TSC2: variants seen among roughly 807,000 people sequenced by gnomAD.
TSC2 encodes the protein TSC complex subunit 2.
TSC2 carries 29 observed loss-of-function variants against 202.2 expected under a neutral mutation model. The ratio of observed to expected loss-of-function variants is 0.14; its 90% CI spans 0.11 to 0.20. The LOEUF (loss-of-function observed/expected upper bound fraction) is 0.20. TSC2 is among the 10% of genes least tolerant of loss of function. TSC2 has a pLI of 1.00. For synonymous variants in TSC2, 1,349 were observed against 1,044.0 expected (o/e 1.29, Z -5.63); for missense variants, 2,429 against 2,420.0 (o/e 1.00, Z -0.08).
Position 2,072,282 on chromosome 16 carries a change from G to A in TSC2, c.2139G>A (p.Leu713=), listed in dbSNP as rs757293747. Reference sequence around the variant, plus strand: ...TGCTGAAGCTGGTTCTGGGCAGGCTGCCTGAGTCCCTGCGCTATAAAGTGC... The same window carrying A: ...TGCTGAAGCTGGTTCTGGGCAGGCTACCTGAGTCCCTGCGCTATAAAGTGC... ...WKVLKLVLGR[L]PESLRYKVLI... is the part of the protein sequence containing the mutation. Residue 713 remains leucine, a synonymous_variant, in exon 20 of 42, where the codon CTG becomes CTA. Transcript: ENST00000219476. 1 of 1,614,154 alleles carries A rather than the reference G, an allele frequency of 6.2e-7. No homozygotes were observed. Among genetic ancestry groups the A allele is most frequent in the Non-Finnish European group, 8.5e-7 (1 of 1,180,046 alleles).
intron 3 of TSC2, among the ~76,000 whole-genome samples, chr16:2,050,921 C>T (rs1350341404): frequency 6.6e-6 from 1 of 151,970 alleles, no homozygotes; most frequent in African/African-American, 2.4e-5. Context: ...TAGCTTTCAT[C>T]GTAGTGATGG....
chr16:2,060,950 C>T (rs779595943), intron 11 of TSC2, 137 bp downstream of exon 11: 2 of 1,111,412 alleles, frequency 1.8e-6, no homozygotes, highest in Non-Finnish European at 2.6e-6. Flanking sequence ...TGGTGATTCG[C>T]AGTGGCGCTC....
intron 16 of TSC2, among the ~76,000 whole-genome samples, chr16:2,066,824 C>T (rs1345514562): frequency 6.6e-6 from 1 of 151,870 alleles, no homozygotes; most frequent in Non-Finnish European, 1.5e-5. Flanking sequence ...ACATACTCGG[C>T]TAATTTTTTG....
chr16:2,078,480 T>G, intron 26 of TSC2: 1 of 186,446 alleles, frequency 5.4e-6, no homozygotes, highest in Admixed American at 5.4e-5. Context: ...TAAAGCCATT[T>G]TCTAGCACAT....
intron 32 of TSC2, chr16:2,083,086 C>T (rs148384560): frequency 1.5e-5 from 7 of 455,052 alleles, no homozygotes; most frequent in South Asian, 9.3e-5. Context: ...GGGTGGCTGA[C>T]TGCGCGTGTG....
Position 2,048,039 on chromosome 16 carries a change from G to A in TSC2, c.-56G>A, listed in dbSNP as rs1220555639. On this transcript the variant is annotated 5_prime_UTR_variant, in exon 1 of 42. Transcript: ENST00000219476. ...GTGCGCCTTTCTCCGCGTCGGGGCG[G>A]CCCGGAGCGCGGTGGCGCGGCGCGG... 9.1e-6 allele frequency: 13 copies of A among 1,429,746 alleles called. No homozygotes were observed. The highest frequency in any genetic ancestry group is 1.2e-5 in the Non-Finnish European group (13 of 1,099,174). The allele number at this position is 1,429,746 out of a possible 1,614,324, so 88.6% of individuals were successfully genotyped here.
At chr16:2,077,097 A>G (rs1180570568) in intron 25 of TSC2, among the ~76,000 whole-genome samples, 1 of 152,194 alleles carries the variant, frequency 6.6e-6, no homozygotes, top group African/African-American at 2.4e-5. Flanking sequence ...CTCAACTCGG[A>G]AGCTGTTGTC....
At chr16:2,080,542 G>A (rs924264368) in intron 30 of TSC2, 165 bp downstream of exon 30, 25 of 791,820 alleles carry the variant, frequency 3.2e-5, no homozygotes, top group Non-Finnish European at 4.9e-5. Context: ...GGAACGCAGT[G>A]GCGCAATCTC....
In TSC2 at chr16:2,088,532, C is replaced by A. The variant is rs557200243; in HGVS notation, c.5346C>A (p.Ala1782=). The A allele has an allele frequency of 6.2e-7, 1 of 1,612,394 alleles. No homozygotes were observed. The highest frequency in any genetic ancestry group is 8.5e-7 in the Non-Finnish European group (1 of 1,179,970). ...GCAAAGCCCCTGCACAGACTCCAGCCGAGCCCACACCTGGCTATGAGGTGG... is the reference window on the plus strand; with the variant it reads ...GCAAAGCCCCTGCACAGACTCCAGCAGAGCCCACACCTGGCTATGAGGTGG... ...SHSKAPAQTP[A]EPTPGYEVGQ... Residue 1782 remains alanine (A), a synonymous_variant, in exon 42 of 42, where the codon GCC becomes GCA. Transcript: ENST00000219476.
Position 2,064,301 on chromosome 16 carries a change from G to A in TSC2, c.1473G>A (p.Ser491=), listed in dbSNP as rs764767361. 40 of 1,613,888 alleles carry A rather than the reference G, an allele frequency of 2.5e-5. 2 individuals carry two copies. Among genetic ancestry groups the A allele is most frequent in the South Asian group, 2.1e-4 (19 of 91,088 alleles). Residue 491 remains serine (S), a synonymous_variant, in exon 15 of 42, where the codon TCG becomes TCA. Transcript: ENST00000219476. ...AGCTGATTAACTCAGTGGTCATCTCGCAGCTCTCCCACATCCCCGAGGATA... is the reference window on the plus strand; with the variant it reads ...AGCTGATTAACTCAGTGGTCATCTCACAGCTCTCCCACATCCCCGAGGATA... ...EEELINSVVI[S]QLSHIPEDKD...
At chr16:2,086,925 G>A in intron 38 of TSC2, 54 bp downstream of exon 38, 1 of 1,549,530 alleles carries the variant, frequency 6.5e-7, no homozygotes, top group Non-Finnish European at 8.7e-7. Context: ...CCACTGCTGT[G>A]TCCCGGGTTG....
rs552275185 is a variant in TSC2 at position 2,063,324 on chromosome 16, C to G, written c.1443+271C>G. The G allele has an allele frequency of 3.1e-4, 183 of 582,984 alleles. 2 individuals carry two copies. In the East Asian group the frequency reaches 5.1e-3, roughly 16 times the overall value. The allele number at this position is 582,984 out of a possible 1,614,324, so 36.1% of individuals were successfully genotyped here. On this transcript the variant is annotated intron_variant, in intron 14 of 41. Coordinates refer to ENST00000219476, the MANE Select transcript of TSC2 (RefSeq NM_000548.5). The stretch of plus-strand genomic sequence containing the variant: ...AGCTCCGGCCGGTTTTCACCCAACA[C>G]AGGAGCCTCTTAAAAATTCTGTGTG...
intron 22 of TSC2, 55 bp from the exon 23 acceptor site, chr16:2,075,744 T>TC: frequency 6.3e-7 from 1 of 1,587,476 alleles, no homozygotes; most frequent in Non-Finnish European, 8.6e-7. Flanking sequence ...GTGTTGGCCT[T>TC]CAGAGGCGCT....
chr16:2,050,157 A>G (rs2084924150), intron 2 of TSC2, among the ~76,000 whole-genome samples: 1 of 152,116 alleles, frequency 6.6e-6, no homozygotes, highest in East Asian at 2.0e-4. Flanking sequence ...GGGTTTCATC[A>G]TGTTGGGCAG....
chr16:2,081,230 C>G, intron 30 of TSC2: 2 of 375,468 alleles, frequency 5.3e-6, no homozygotes, highest in South Asian at 4.4e-5. Context: ...AGGCCCAGAG[C>G]CCAGGGACAG....
chr16:2,070,706 T>C (rs1380492183), intron 17 of TSC2, 128 bp downstream of exon 17: 2 of 1,474,704 alleles, frequency 1.4e-6, no homozygotes, highest in Admixed American at 4.0e-5. Flanking sequence ...GTCCCTCCTC[T>C]GCACCCACTG....
In TSC2 at chr16:2,088,275, C is replaced by G. The variant is rs780112037; in HGVS notation, c.5209C>G (p.Pro1737Ala). The G allele has an allele frequency of 6.2e-6, 10 of 1,601,090 alleles. No individual in the cohort carries two copies. Among genetic ancestry groups the G allele is most frequent in the Non-Finnish European group, 8.5e-6 (10 of 1,174,994 alleles). The change falls in exon 41 of 42, where the codon CCC (proline) becomes GCC (alanine). Residue 1737 changes from proline to alanine, a missense_variant. Transcript: ENST00000219476. ...CCGCTCCAACCCCACCGATATCTACCCCTCCAAGTGGATTGCCCGGCTCCG... is the reference window on the plus strand; with the variant it reads ...CCGCTCCAACCCCACCGATATCTACGCCTCCAAGTGGATTGCCCGGCTCCG... ...HSRSNPTDIY[P>A]SKWIARLRHI...
intron 5 of TSC2, chr16:2,055,200 A>G (rs1016499352): frequency 1.0e-4 from 68 of 649,080 alleles, no homozygotes; most frequent in Non-Finnish European, 1.6e-4. Flanking sequence ...GGTAGATCCT[A>G]GTGTCCGTGC....
chr16:2,080,491 G>GTTTT, intron 30 of TSC2, 114 bp downstream of exon 30: 1 of 1,118,314 alleles, frequency 8.9e-7, no homozygotes, highest in Non-Finnish European at 1.2e-6. Flanking sequence ...GGTAACTTTT[G>GTTTT]TTTTTTTTTT....
Sources: allele counts gnomAD v4.1 joint callset (sites outside exome capture counted in the v4.1 genomes callset), GRCh38; gene constraint gnomAD v4.1.1; transcripts MANE v1.5; gene names NCBI Gene and HGNC (gene_info 2026-07-23, HGNC 2026-07-21).